The following DHRS3 variants were observed in gnomAD, a reference collection of about 807,000 sequenced individuals.
The protein encoded by DHRS3 is short-chain dehydrogenase/reductase 3.
In DHRS3, 14 loss-of-function variants were observed where a neutral mutation model predicts 27.2. That is an observed-to-expected ratio of 0.52 (90% CI 0.34 to 0.81). The LOEUF is 0.81. Among genes scored for constraint, DHRS3 ranks in the 30% least tolerant of loss-of-function variants. The pLI, the probability that DHRS3 is intolerant of heterozygous loss-of-function variation, is 0.01. For missense variants in DHRS3, 322 were observed against 406.2 expected (o/e 0.79, Z 1.78); for synonymous variants, 165 against 175.9 (o/e 0.94, Z 0.49).
rs977208684 is a variant in DHRS3 at position 12,618,034 on chromosome 1, A to T, written c.-686T>A. Among the ~76,000 whole-genome samples the T allele has an allele frequency of 1.3e-5, 2 of 151,982 alleles. No homozygotes were observed. Among genetic ancestry groups the T allele is most frequent in the Non-Finnish European group, 1.5e-5 (1 of 67,984 alleles). ...TCCGGGTGTCAGTTTCTTTACGTGC[A>T]GCGCTCGCCCTCGCGCGCGCTCGCT... On this transcript the variant is annotated 5_prime_UTR_variant, in exon 1 of 6. Coordinates refer to ENST00000616661, the MANE Select transcript of DHRS3 (RefSeq NM_004753.7). This position sits in a 1 kb window ranked among gnomAD's most constrained non-coding sequence, Gnocchi z 4.2.
rs533290929 is a variant in DHRS3, at chr1:12,586,371, C to A, written c.196-5705G>T. Among the ~76,000 whole-genome samples, 1 of 152,358 alleles carries A rather than the reference C, an allele frequency of 6.6e-6. No individual in the cohort carries two copies. Among genetic ancestry groups the A allele is most frequent in the African/African-American group, 2.4e-5 (1 of 41,586 alleles). ...GGTCGTCTGAGCTTTGAGGGTTCCA[C>A]TCTCCTCACATGCAACCCCACGCCC... is the stretch of plus-strand genomic sequence containing the variant. On this transcript the variant is annotated intron_variant, in intron 1 of 5. Coordinates refer to ENST00000616661, the MANE Select transcript of DHRS3 (RefSeq NM_004753.7). The surrounding 1 kb of genome is among the most constrained non-coding windows in gnomAD (Gnocchi z 5.0).
chr1:12,597,091 G>A (rs144403670), intron 1 of DHRS3, among the ~76,000 whole-genome samples: 2 of 151,806 alleles, frequency 1.3e-5, no homozygotes, highest in Non-Finnish European at 2.9e-5. Context: ...ATCTCCCCCC[G>A]CCCTAGACGG....
At chr1:12,579,240 T>C (rs1646621896) in intron 3 of DHRS3, 53 bp downstream of exon 3, 3 of 1,613,542 alleles carry the variant, frequency 1.9e-6, no homozygotes, top group Non-Finnish European at 2.5e-6. Flanking sequence ...CCCTCCATCC[T>C]GCCTGGGCTC....
intron 5 of DHRS3, 109 bp from the exon 6 acceptor site, chr1:12,568,533 A>G (rs1646505075): frequency 2.0e-6 from 2 of 1,022,612 alleles, no homozygotes; most frequent in African/African-American, 3.2e-5. Context: ...GGTTCCTGAA[A>G]GTGCTCCCCA....
rs371309398 is a variant in DHRS3 at position 12,590,132 on chromosome 1, G to A, written c.196-9466C>T. Among the ~76,000 whole-genome samples the A allele has an allele frequency of 6.6e-5, 10 of 151,832 alleles. No homozygotes were observed. In the East Asian group the frequency reaches 7.7e-4, roughly 12 times the overall value. ...ACTGTCCACCTGCAGAGCAAGCTGC[G>A]GGGGGATTTCTTAGGGAGGAGAGGT... On this transcript the variant is annotated intron_variant, in intron 1 of 5. Transcript: ENST00000616661.
At chr1:12,570,663 A>G (rs187946283) in intron 5 of DHRS3, among the ~76,000 whole-genome samples, 1 of 152,188 alleles carries the variant, frequency 6.6e-6, no homozygotes, top group African/African-American at 2.4e-5. Context: ...TTCTAGACCA[A>G]CTTTTCTCTA....
At chr1:12,585,233 GT>G (rs1646685238) in intron 1 of DHRS3, among the ~76,000 whole-genome samples, 1 of 150,642 alleles carries the variant, frequency 6.6e-6, no homozygotes, top group Non-Finnish European at 1.5e-5. Flanking sequence ...GTGTGTCTAT[GT>G]GAGTGTGTGT....
chr1:12,593,236 C>A lies in DHRS3; in HGVS notation c.196-12570G>T, dbSNP rs1445187614. Among the ~76,000 whole-genome samples, 1 of 152,210 alleles carries A rather than the reference C, an allele frequency of 6.6e-6. No individual in the cohort carries two copies. The highest frequency in any genetic ancestry group is 1.5e-5 in the Non-Finnish European group (1 of 68,032). On this transcript the variant is annotated intron_variant, in intron 1 of 5. Coordinates refer to ENST00000616661, the MANE Select transcript of DHRS3 (RefSeq NM_004753.7). The surrounding 1 kb of genome is among the most constrained non-coding windows in gnomAD (Gnocchi z 4.6). ...CCCCATCCCTCGTCTCAGCTACTCCCTCCTAGGTCTCGGCCCTGCAGAAGC... is the reference window on the plus strand; with the variant it reads ...CCCCATCCCTCGTCTCAGCTACTCCATCCTAGGTCTCGGCCCTGCAGAAGC...
rs374283325 is a variant in DHRS3, at chr1:12,572,725, T to C, written c.824+3A>G. ...CCCAGAGTGTTCTTTCCCAGCCCCA[T>C]ACCTTTTCAAGATAACGAGGGCATG... On this transcript the variant is annotated splice_donor_region_variant and intron_variant, in intron 5 of 5. Coordinates refer to ENST00000616661, the MANE Select transcript of DHRS3 (RefSeq NM_004753.7). The C allele has an allele frequency of 1.3e-6, 2 of 1,592,104 alleles. No individual in the cohort carries two copies. Among genetic ancestry groups the C allele is most frequent in the Non-Finnish European group, 1.7e-6 (2 of 1,168,976 alleles).
intron 1 of DHRS3, chr1:12,616,645 C>T (rs558863214): frequency 2.0e-6 from 2 of 993,788 alleles, no homozygotes; most frequent in East Asian, 2.2e-4. Flanking sequence ...CCGCTCTTCC[C>T]TTTTCAAACC....
In DHRS3 at chr1:12,614,033, A is replaced by C. The variant is rs1211418192; in HGVS notation, c.195+3121T>G. ...TGATCCGCCTGCCTCAGCCTCCCAAAGTGCTGGGATTACAGGCATGAGCCA... is the reference window on the plus strand; with the variant it reads ...TGATCCGCCTGCCTCAGCCTCCCAACGTGCTGGGATTACAGGCATGAGCCA... On this transcript the variant is annotated intron_variant, in intron 1 of 5. Coordinates refer to ENST00000616661, the MANE Select transcript of DHRS3 (RefSeq NM_004753.7). Among the ~76,000 whole-genome samples the C allele has an allele frequency of 3.9e-5, 6 of 152,126 alleles. No individual in the cohort carries two copies. The South Asian group carries it at 8.3e-4, about 21-fold the overall frequency.
chr1:12,611,146 T>C (rs1318307612), intron 1 of DHRS3, among the ~76,000 whole-genome samples: 1 of 152,140 alleles, frequency 6.6e-6, no homozygotes, highest in Non-Finnish European at 1.5e-5. Flanking sequence ...TCAGAAGGGC[T>C]TGGAAGGGAT....
At chr1:12,588,104 C>A (rs1646713226) in intron 1 of DHRS3, among the ~76,000 whole-genome samples, 1 of 152,230 alleles carries the variant, frequency 6.6e-6, no homozygotes, top group African/African-American at 2.4e-5. Flanking sequence ...TCCTGTGTCC[C>A]TACCTGGTGC....
intron 5 of DHRS3, among the ~76,000 whole-genome samples, chr1:12,571,478 C>G (rs372786197): frequency 4.6e-5 from 7 of 151,630 alleles, no homozygotes; most frequent in African/African-American, 1.7e-4. Context: ...AAGTGAGGTC[C>G]AGGAACCTTT....
intron 1 of DHRS3, 31 bp downstream of exon 1, chr1:12,617,123 C>T: frequency 6.3e-7 from 1 of 1,595,280 alleles, no homozygotes; most frequent in Non-Finnish European, 8.5e-7. Context: ...CCCTGCGGCC[C>T]CCCACTCCCT....
rs758538732 is a variant in DHRS3 at position 12,578,744 on chromosome 1, G to A, written c.672C>T (p.Thr224=). Residue 224 remains threonine, a synonymous_variant, in exon 4 of 6, where the codon ACC becomes ACT. Transcript: ENST00000616661. The surrounding 1 kb of genome is among the most constrained non-coding windows in gnomAD (Gnocchi z 4.5). Reference sequence around the variant, plus strand: ...TGACTCTCATGCCCTGGAACATCTCGGTGCTGGTGTGGAAGGGCAGCACTG... The same window carrying A: ...TGACTCTCATGCCCTGGAACATCTCAGTGCTGGTGTGGAAGGGCAGCACTG... ...ATTVLPFHTS[T]EMFQGMRVRF... is the part of the protein sequence containing the mutation. 3.3e-5 allele frequency: 54 copies of A among 1,613,834 alleles called. No individual in the cohort carries two copies. The Middle Eastern group carries it at 4.9e-4, about 15-fold the overall frequency.
chr1:12,581,386 A>G (rs964422142), intron 1 of DHRS3, among the ~76,000 whole-genome samples: 1 of 152,176 alleles, frequency 6.6e-6, no homozygotes, highest in Non-Finnish European at 1.5e-5. Flanking sequence ...GATTATTAAG[A>G]CCAGCTGGTA....
intron 5 of DHRS3, among the ~76,000 whole-genome samples, chr1:12,572,450 G>A (rs773061489): frequency 5.3e-5 from 8 of 152,224 alleles, no homozygotes; most frequent in African/African-American, 9.6e-5. Context: ...GATTACAGGC[G>A]TGAGCCACTG....
Position 12,591,833 on chromosome 1 carries a change from T to C in DHRS3, c.196-11167A>G, listed in dbSNP as rs957856835. 5.3e-5 allele frequency among the ~76,000 whole-genome samples: 8 copies of C among 152,180 alleles called. No individual in the cohort carries two copies. The highest frequency in any genetic ancestry group is 1.2e-4 in the Non-Finnish European group (8 of 68,028). On this transcript the variant is annotated intron_variant, in intron 1 of 5. Coordinates refer to ENST00000616661, the MANE Select transcript of DHRS3 (RefSeq NM_004753.7). This position sits in a 1 kb window ranked among gnomAD's most constrained non-coding sequence, Gnocchi z 4.1. ...ATATTCATTCAGTGCACAGGTACAG[T>C]GAGCTGATGCCATGTCCAAGGACTG...
Sources: gnomAD v4.1 joint callset for allele counts (sites outside exome capture counted in the v4.1 genomes callset) on GRCh38, gnomAD v4.1.1 for gene constraint, Gnocchi (gnomAD v3.1) non-coding constraint, MANE v1.5 for transcripts, NCBI Gene and HGNC (gene_info 2026-07-23, HGNC 2026-07-21) for gene names.